Variants in ASIC2 observed in about 807,000 individuals in gnomAD.
The protein encoded by ASIC2 is acid sensing ion channel subunit 2, also known as acid-sensing ion channel 2.
Under a neutral mutation model 57.3 loss-of-function variants are expected in ASIC2, and 25 were observed. The observed-to-expected ratio is 0.44, with a 90% CI of 0.32 to 0.61. The LOEUF (loss-of-function observed/expected upper bound fraction) is 0.61. Among genes scored for constraint, ASIC2 ranks in the 20% least tolerant of loss-of-function variants. The probability of loss-of-function intolerance (pLI) is 0.06; values close to 1 mark genes in which losing one functional copy is unlikely to be tolerated. For synonymous variants in ASIC2, 319 were observed against 307.5 expected (o/e 1.04, Z -0.39); for missense variants, 641 against 738.1 (o/e 0.87, Z 1.52).
chr17:34,123,340 A>G (rs1411315256), intron 1 of ASIC2, among the ~76,000 whole-genome samples: 1 of 152,168 alleles, frequency 6.6e-6, no homozygotes, highest in African/African-American at 2.4e-5. Context: ...CAACCCAGTC[A>G]GGAGGAAGGC....
chr17:33,719,184 G>A, intron 1 of ASIC2, among the ~76,000 whole-genome samples: 1 of 152,220 alleles, frequency 6.6e-6, no homozygotes, highest in South Asian at 2.1e-4. Flanking sequence ...GAACAAGGCA[G>A]GATGATGGAT....
At chr17:33,345,809 G>C (rs1320167504) in intron 1 of ASIC2, among the ~76,000 whole-genome samples, 8 of 152,148 alleles carry the variant, frequency 5.3e-5, no homozygotes, top group Non-Finnish European at 1.2e-4. Context: ...GATCTCTTGG[G>C]TGCTTGCATG....
chr17:33,245,323 T>A (rs1908652234), intron 1 of ASIC2, among the ~76,000 whole-genome samples: 1 of 152,160 alleles, frequency 6.6e-6, no homozygotes, highest in Non-Finnish European at 1.5e-5. Flanking sequence ...AGGAGGCTGC[T>A]AGGATCCTAA....
At chr17:33,931,796 T>C (rs1323340408) in intron 1 of ASIC2, among the ~76,000 whole-genome samples, 1 of 152,214 alleles carries the variant, frequency 6.6e-6, no homozygotes, top group Non-Finnish European at 1.5e-5. Flanking sequence ...TGGGCCAGGC[T>C]CCATCAGTTT....
At chr17:33,339,259 C>T (rs1283997504) in intron 1 of ASIC2, among the ~76,000 whole-genome samples, 1 of 152,132 alleles carries the variant, frequency 6.6e-6, no homozygotes, top group Non-Finnish European at 1.5e-5. Flanking sequence ...CAAGATCTTG[C>T]CTCTCATGCT....
At chr17:33,975,505 A>G (rs1176520722) in intron 1 of ASIC2, among the ~76,000 whole-genome samples, 2 of 152,204 alleles carry the variant, frequency 1.3e-5, no homozygotes, top group Non-Finnish European at 2.9e-5. Flanking sequence ...AAAAGAAAAA[A>G]AATGCTGACA....
chr17:33,283,053 C>A (rs1429031595), intron 1 of ASIC2, among the ~76,000 whole-genome samples: 2 of 152,198 alleles, frequency 1.3e-5, no homozygotes, highest in Non-Finnish European at 2.9e-5. Context: ...TTGACTGACA[C>A]CCCAGCTAGG....
intron 1 of ASIC2, among the ~76,000 whole-genome samples, chr17:33,224,045 C>G (rs1362763890): frequency 1.3e-5 from 2 of 152,298 alleles, no homozygotes; most frequent in Admixed American, 1.3e-4. Context: ...AGACCAGCTT[C>G]TGGGAAAGGG....
intron 1 of ASIC2, among the ~76,000 whole-genome samples, chr17:33,341,563 T>C (rs1907723434): frequency 6.6e-6 from 1 of 152,202 alleles, no homozygotes; most frequent in South Asian, 2.1e-4. Context: ...AAGCATAACA[T>C]ATTTATTATC....
intron 1 of ASIC2, chr17:34,003,209 C>T (rs1265607211): frequency 6.6e-6 from 1 of 152,160 alleles, no homozygotes; most frequent in Non-Finnish European, 1.5e-5. Flanking sequence ...ATATCAAATC[C>T]TGGCTCTGTA....
chr17:33,491,414 C>T (rs1174131797), intron 1 of ASIC2, among the ~76,000 whole-genome samples: 1 of 152,216 alleles, frequency 6.6e-6, no homozygotes, highest in Non-Finnish European at 1.5e-5. Flanking sequence ...GCATTTCCTA[C>T]AGTTTCTGGC....
intron 1 of ASIC2, among the ~76,000 whole-genome samples, chr17:33,944,839 G>T (rs1274560547): frequency 6.6e-6 from 1 of 152,196 alleles, no homozygotes; most frequent in Non-Finnish European, 1.5e-5. Context: ...GTGTGATGGA[G>T]GTAGATCTGA....
chr17:33,388,675 G>A (rs1189030150), intron 1 of ASIC2, among the ~76,000 whole-genome samples: 1 of 152,248 alleles, frequency 6.6e-6, no homozygotes, highest in African/African-American at 2.4e-5. Flanking sequence ...TAATTGACTA[G>A]TTCACCACAT....
chr17:33,510,801 T>C (rs560851137), intron 1 of ASIC2, among the ~76,000 whole-genome samples: 9 of 152,232 alleles, frequency 5.9e-5, no homozygotes, highest in African/African-American at 2.2e-4. Flanking sequence ...TGTCACCAGC[T>C]TGTAGAAGCA....
At chr17:33,339,502 T>TA in intron 1 of ASIC2, among the ~76,000 whole-genome samples, 1 of 152,312 alleles carries the variant, frequency 6.6e-6, no homozygotes. Context: ...TGCTATTCCC[T>TA]AGGAAAATTT....
At chr17:33,334,921 A>G (rs1402711251) in intron 1 of ASIC2, among the ~76,000 whole-genome samples, 1 of 152,232 alleles carries the variant, frequency 6.6e-6, no homozygotes, top group Non-Finnish European at 1.5e-5. Flanking sequence ...TAATTACAGC[A>G]TAATACAGTG....
intron 1 of ASIC2, among the ~76,000 whole-genome samples, chr17:33,634,410 T>C (rs1906277622): frequency 1.3e-5 from 2 of 152,174 alleles, no homozygotes; most frequent in Non-Finnish European, 2.9e-5. Flanking sequence ...TTAGTAACAA[T>C]AATTACTAGC....
chr17:33,350,274 G>T (rs1908109563), intron 1 of ASIC2, among the ~76,000 whole-genome samples: 1 of 152,226 alleles, frequency 6.6e-6, no homozygotes, highest in Admixed American at 6.5e-5. Flanking sequence ...TGCAGGCTGG[G>T]ACTATGTCTT....
chr17:33,362,634 G>A (rs1224409128), intron 1 of ASIC2, among the ~76,000 whole-genome samples: 3 of 152,196 alleles, frequency 2.0e-5, no homozygotes, highest in Admixed American at 6.5e-5. Flanking sequence ...AGGATTCTTG[G>A]AACTGTGAAA....
Sources: gnomAD v4.1 joint callset for allele counts (sites outside exome capture counted in the v4.1 genomes callset) on GRCh38, gnomAD v4.1.1 for gene constraint, MANE v1.5 for transcripts, NCBI Gene and HGNC (gene_info 2026-07-23, HGNC 2026-07-21) for gene names.